Variants in NCKAP5 observed in about 807,000 individuals in gnomAD.
The protein encoded by NCKAP5 is NCK associated protein 5, also known as nck-associated protein 5.
NCKAP5 carries 92 observed loss-of-function variants against 167.0 expected under a neutral mutation model. The ratio of observed to expected loss-of-function variants is 0.55; its 90% CI spans 0.47 to 0.66. The LOEUF is 0.66. Among genes scored for constraint, NCKAP5 ranks in the 30% least tolerant of loss-of-function variants. The pLI is 0.00. For synonymous variants in NCKAP5, 891 were observed against 877.4 expected (o/e 1.02, Z -0.27); for missense variants, 2,378 against 2,315.0 (o/e 1.03, Z -0.56).
chr2:133,380,325 AT>A (rs919244663), intron 3 of NCKAP5, among the ~76,000 whole-genome samples: 1 of 151,872 alleles, frequency 6.6e-6, no homozygotes. Context: ...ACAGTGAGCA[AT>A]TTTTTTTAGT....
chr2:133,528,457 C>T (rs1430656470), intron 2 of NCKAP5, among the ~76,000 whole-genome samples: 2 of 151,942 alleles, frequency 1.3e-5, no homozygotes, highest in African/African-American at 2.4e-5. Context: ...TGGCAGATCT[C>T]GTTAAAATAC....
intron 5 of NCKAP5, among the ~76,000 whole-genome samples, chr2:133,153,483 T>A (rs1203788205): frequency 6.6e-6 from 1 of 152,170 alleles, no homozygotes; most frequent in African/African-American, 2.4e-5. Flanking sequence ...ACTACTGATT[T>A]TTTTTAAAAA....
At chr2:132,910,076 G>A (rs1694323874) in intron 8 of NCKAP5, among the ~76,000 whole-genome samples, 1 of 152,130 alleles carries the variant, frequency 6.6e-6, no homozygotes, top group Non-Finnish European at 1.5e-5. Flanking sequence ...AGGGTTTTCT[G>A]ATACCAGCAA....
intron 4 of NCKAP5, among the ~76,000 whole-genome samples, chr2:133,219,906 G>T (rs1241044749): frequency 6.6e-6 from 1 of 152,080 alleles, no homozygotes; most frequent in Non-Finnish European, 1.5e-5. Context: ...AAATGGCCCT[G>T]TCTTTTTCAC....
chr2:132,813,741 C>T (rs1156472738), intron 11 of NCKAP5, among the ~76,000 whole-genome samples: 1 of 151,940 alleles, frequency 6.6e-6, no homozygotes, highest in Admixed American at 6.6e-5. Flanking sequence ...AAGATAACCT[C>T]CAAAGAAGGG....
At chr2:132,687,356 G>A (rs557329238) in intron 19 of NCKAP5, among the ~76,000 whole-genome samples, 6 of 152,270 alleles carry the variant, frequency 3.9e-5, no homozygotes, top group African/African-American at 1.2e-4. Context: ...ACCAGATCTG[G>A]CACCAGCTAC....
At chr2:133,091,525 C>A (rs1264385983) in intron 6 of NCKAP5, among the ~76,000 whole-genome samples, 1 of 152,124 alleles carries the variant, frequency 6.6e-6, no homozygotes, top group African/African-American at 2.4e-5. Context: ...TGTGGCCTGG[C>A]ATGGTACTCA....
At chr2:133,556,922 T>C (rs924047621) in intron 2 of NCKAP5, 4 of 152,202 alleles carry the variant, frequency 2.6e-5, no homozygotes, top group African/African-American at 4.8e-5. Context: ...CCCTTCCTTA[T>C]AATTTTCTCT....
chr2:132,730,616 A>T (rs1690904459), intron 17 of NCKAP5, among the ~76,000 whole-genome samples: 1 of 152,240 alleles, frequency 6.6e-6, no homozygotes, highest in Admixed American at 6.5e-5. Context: ...TGCGGTTTCT[A>T]TTCAATTTGT....
At chr2:133,028,877 A>C (rs1356453549) in intron 6 of NCKAP5, among the ~76,000 whole-genome samples, 1 of 152,090 alleles carries the variant, frequency 6.6e-6, no homozygotes, top group Non-Finnish European at 1.5e-5. Context: ...ACAGTAAGCA[A>C]GTTCTCATGA....
At chr2:132,695,115 T>G (rs565534938) in intron 19 of NCKAP5, among the ~76,000 whole-genome samples, 2 of 152,092 alleles carry the variant, frequency 1.3e-5, no homozygotes, top group Non-Finnish European at 2.9e-5. Flanking sequence ...TCCACCCTCA[T>G]GAAATAATCA....
At chr2:132,707,793 T>C (rs2105296542) in intron 19 of NCKAP5, among the ~76,000 whole-genome samples, 1 of 152,314 alleles carries the variant, frequency 6.6e-6, no homozygotes, top group Admixed American at 6.5e-5. Flanking sequence ...GGACTGTGTT[T>C]CTTCCACTTG....
intron 6 of NCKAP5, among the ~76,000 whole-genome samples, chr2:133,085,794 C>A (rs57649721): frequency 0.024 from 3,629 of 152,158 alleles, 146 homozygotes; most frequent in African/African-American, 0.083. Context: ...CCCTCCTGTA[C>A]AGCAGAGGAA....
At chr2:133,153,833 C>CTTTTTTTTTTTTTTTTTTTTTTTT (rs570596198) in intron 5 of NCKAP5, among the ~76,000 whole-genome samples, 1 of 109,764 alleles carries the variant, frequency 9.1e-6, no homozygotes, top group Non-Finnish European at 1.8e-5. Flanking sequence ...GTTCCTCCTT[C>CTTTTTTTTTTTTTTTTTTTTTTTT]TTTTTTTTTT....
At chr2:133,314,546 C>A (rs1681467271) in intron 3 of NCKAP5, among the ~76,000 whole-genome samples, 1 of 152,144 alleles carries the variant, frequency 6.6e-6, no homozygotes, top group Non-Finnish European at 1.5e-5. Flanking sequence ...TTACTGATTA[C>A]CCCGATTACC....
At chr2:133,171,147 T>C (rs1325991653) in intron 5 of NCKAP5, among the ~76,000 whole-genome samples, 1 of 152,192 alleles carries the variant, frequency 6.6e-6, no homozygotes, top group Non-Finnish European at 1.5e-5. Flanking sequence ...GGCAGGGTGC[T>C]TTTGAAGGCA....
At chr2:132,954,796 C>T (rs1205816015) in intron 8 of NCKAP5, 3 of 417,566 alleles carry the variant, frequency 7.2e-6, no homozygotes, top group South Asian at 1.7e-5. Flanking sequence ...ATGATTTTTC[C>T]AATTTTCTGT....
intron 5 of NCKAP5, among the ~76,000 whole-genome samples, chr2:133,162,333 T>C (rs1311417429): frequency 6.6e-6 from 1 of 152,226 alleles, no homozygotes; most frequent in Non-Finnish European, 1.5e-5. Flanking sequence ...AGATTAACGA[T>C]CTATGTGGAA....
At chr2:132,774,065 C>T (rs564576903) in intron 15 of NCKAP5, among the ~76,000 whole-genome samples, 171 bp from the exon 16 acceptor site, 3 of 152,064 alleles carry the variant, frequency 2.0e-5, no homozygotes, top group South Asian at 2.1e-4. Flanking sequence ...ACATTTTTTT[C>T]GTTCTACTTT....
Sources: allele counts gnomAD v4.1 joint callset (sites outside exome capture counted in the v4.1 genomes callset), GRCh38; gene constraint gnomAD v4.1.1; transcripts MANE v1.5; gene names NCBI Gene and HGNC (gene_info 2026-07-23, HGNC 2026-07-21).